The following ADAMTS12 variants were observed in gnomAD, a reference collection of about 807,000 sequenced individuals.
ADAMTS12 encodes the protein ADAM metallopeptidase with thrombospondin type 1 motif 12, also known as A disintegrin and metalloproteinase with thrombospondin motifs 12.
ADAMTS12 carries 118 observed loss-of-function variants against 167.8 expected under a neutral mutation model. The observed-to-expected ratio is 0.70, with a 90% CI of 0.61 to 0.82. ADAMTS12 has a LOEUF of 0.82. Ranked by LOEUF, ADAMTS12 falls within the 40% of genes least tolerant of loss-of-function variation. ADAMTS12 has a pLI of 0.00. For synonymous variants in ADAMTS12, 704 were observed against 716.9 expected, an observed-to-expected ratio of 0.98 and a Z score of 0.29; for missense variants, 1,916 against 1,998.8, an observed-to-expected ratio of 0.96 and a Z score of 0.79.
chr5:33,828,498 T>A lies in ADAMTS12; in HGVS notation c.489+52621A>T, dbSNP rs187909155. Among the ~76,000 whole-genome samples the A allele has an allele frequency of 5.2e-4, 79 of 152,300 alleles. 2 individuals carry two copies. The highest frequency in any genetic ancestry group is 7.3e-5 in the Non-Finnish European group (5 of 68,030). On this transcript the variant is annotated intron_variant, in intron 2 of 23. Coordinates refer to ENST00000504830, the MANE Select transcript of ADAMTS12 (RefSeq NM_030955.4). The stretch of plus-strand genomic sequence containing the variant: ...AATTTTATATAATCATATTTCTCAA[T>A]GTTTTGCTATATAATCTGTGTTTTA...
chr5:33,542,644 G>A (rs995588390), intron 22 of ADAMTS12, among the ~76,000 whole-genome samples: 8 of 152,100 alleles, frequency 5.3e-5, no homozygotes, highest in African/African-American at 1.7e-4. Flanking sequence ...GTAAAAGAAC[G>A]GAAATCACAA....
At chr5:33,722,280 G>A (rs1402647460) in intron 3 of ADAMTS12, among the ~76,000 whole-genome samples, 1 of 152,132 alleles carries the variant, frequency 6.6e-6, no homozygotes, top group Non-Finnish European at 1.5e-5. Context: ...CAATGGACAA[G>A]TAGTAAAACC....
At chr5:33,551,784 C>G (rs779700706) in intron 20 of ADAMTS12, among the ~76,000 whole-genome samples, 13 of 152,186 alleles carry the variant, frequency 8.5e-5, no homozygotes, top group Non-Finnish European at 1.5e-4. Flanking sequence ...TATCATTATT[C>G]TATTCCATTT....
intron 23 of ADAMTS12, among the ~76,000 whole-genome samples, chr5:33,531,916 G>C (rs568722243): frequency 6.6e-6 from 1 of 152,262 alleles, no homozygotes; most frequent in Non-Finnish European, 1.5e-5. Context: ...CTGTGTTCCA[G>C]AACTATATTT....
intron 2 of ADAMTS12, among the ~76,000 whole-genome samples, chr5:33,863,056 G>T (rs943339135): frequency 2.0e-5 from 3 of 152,086 alleles, no homozygotes; most frequent in Non-Finnish European, 4.4e-5. Context: ...AATAATAAGA[G>T]CTATTTATGA....
At chr5:33,768,613 T>C (rs1745630230) in intron 2 of ADAMTS12, among the ~76,000 whole-genome samples, 2 of 152,196 alleles carry the variant, frequency 1.3e-5, no homozygotes, top group Admixed American at 6.5e-5. Flanking sequence ...TATAGCTTAA[T>C]TGTATTATTC....
rs776324042 is a variant in ADAMTS12, at chr5:33,630,819, G to A, written c.1983C>T (p.Gly661=). The A allele has an allele frequency of 2.5e-5, 40 of 1,613,470 alleles. No individual in the cohort carries two copies. The highest frequency in any genetic ancestry group is 4.5e-5 in the East Asian group (2 of 44,862). The change falls in exon 13 of 24, where the codon GGC becomes GGT. Residue 661 remains glycine (G), a synonymous_variant. Coordinates refer to ENST00000504830, the MANE Select transcript of ADAMTS12 (RefSeq NM_030955.4). ...AVIDGTPCFE[G]GNSRNVCING... ...TAATACAGACATTTCTGCTGTTGCC[G>A]CCTTCAAAGCAAGGGGTACCATCAA...
At chr5:33,752,409 G>A (rs1745020860) in intron 2 of ADAMTS12, among the ~76,000 whole-genome samples, 1 of 152,190 alleles carries the variant, frequency 6.6e-6, no homozygotes, top group African/African-American at 2.4e-5. Flanking sequence ...GTGATCAGGA[G>A]CTCAGACTCG....
chr5:33,581,774 T>A (rs1210415455), intron 18 of ADAMTS12, among the ~76,000 whole-genome samples: 3 of 152,110 alleles, frequency 2.0e-5, no homozygotes, highest in African/African-American at 7.2e-5. Flanking sequence ...GGAGAAAGGA[T>A]CTTTAAAAAG....
intron 2 of ADAMTS12, among the ~76,000 whole-genome samples, chr5:33,851,081 GT>G (rs1446579921): frequency 6.6e-6 from 1 of 152,186 alleles, no homozygotes; most frequent in African/African-American, 2.4e-5. Context: ...CTCTTCTGAA[GT>G]CTTAAGCCTA....
intron 3 of ADAMTS12, among the ~76,000 whole-genome samples, chr5:33,736,465 T>C (rs1157386173): frequency 1.3e-5 from 2 of 152,238 alleles, no homozygotes; most frequent in African/African-American, 4.8e-5. Context: ...GAGTGGTCCA[T>C]CAGAGGGTTT....
intron 12 of ADAMTS12, among the ~76,000 whole-genome samples, chr5:33,632,325 A>G (rs1739981693): frequency 6.6e-6 from 1 of 152,084 alleles, no homozygotes. Context: ...TAGGTACACT[A>G]GAACCCCAAT....
At chr5:33,609,336 AAC>A (rs1738603609) in intron 16 of ADAMTS12, among the ~76,000 whole-genome samples, 1 of 151,880 alleles carries the variant, frequency 6.6e-6, no homozygotes, top group Non-Finnish European at 1.5e-5. Context: ...TTAAAGGGAA[AAC>A]ACACAAAATT....
intron 5 of ADAMTS12, among the ~76,000 whole-genome samples, chr5:33,677,546 G>A (rs977942482): frequency 2.6e-5 from 4 of 152,184 alleles, no homozygotes; most frequent in Non-Finnish European, 5.9e-5. Context: ...AGGGGAGCAG[G>A]GGGCCCACCA....
rs1366244145 is a variant in ADAMTS12 at position 33,587,980 on chromosome 5, A to G, written c.2865+619T>C. Among the ~76,000 whole-genome samples the G allele has an allele frequency of 2.6e-5, 4 of 152,236 alleles. No individual in the cohort carries two copies. The East Asian group carries it at 7.7e-4, about 29-fold the overall frequency. On this transcript the variant is annotated intron_variant, in intron 18 of 23. Transcript: ENST00000504830. ...ATGAAACCAGATTCCAAAGTGACCC[A>G]AAGAAAATTAAAGCCTGAGAGAGCT...
chr5:33,845,316 T>C (rs1294205979), intron 2 of ADAMTS12, among the ~76,000 whole-genome samples: 1 of 152,106 alleles, frequency 6.6e-6, no homozygotes, highest in Non-Finnish European at 1.5e-5. Flanking sequence ...GCTGGGAAAG[T>C]ACAAAATGAC....
intron 15 of ADAMTS12, 63 bp downstream of exon 15, chr5:33,615,765 G>A (rs1738969145): frequency 3.1e-6 from 5 of 1,591,630 alleles, no homozygotes; most frequent in Non-Finnish European, 4.3e-6. Flanking sequence ...AAGTACCTTG[G>A]GGAAAAAGGA....
intron 2 of ADAMTS12, among the ~76,000 whole-genome samples, chr5:33,863,055 A>C (rs1293586333): frequency 6.6e-6 from 1 of 152,176 alleles, no homozygotes; most frequent in African/African-American, 2.4e-5. Context: ...AAATAATAAG[A>C]GCTATTTATG....
At chr5:33,712,165 C>G (rs1386422657) in intron 3 of ADAMTS12, among the ~76,000 whole-genome samples, 1 of 152,102 alleles carries the variant, frequency 6.6e-6, no homozygotes, top group East Asian at 1.9e-4. Flanking sequence ...GTAACAGTAG[C>G]AGGCACACCG....
Sources: allele counts gnomAD v4.1 joint callset (sites outside exome capture counted in the v4.1 genomes callset), GRCh38; gene constraint gnomAD v4.1.1; transcripts MANE v1.5; gene names NCBI Gene and HGNC (gene_info 2026-07-23, HGNC 2026-07-21).